The following RBFOX1 variants were observed in gnomAD, a reference collection of about 807,000 sequenced individuals.
RBFOX1 encodes the protein RNA binding fox-1 homolog 1.
A neutral mutation model predicts 57.7 loss-of-function variants in RBFOX1; 8 were observed. The ratio of observed to expected loss-of-function variants is 0.14; its 90% CI spans 0.08 to 0.25. The LOEUF (loss-of-function observed/expected upper bound fraction) is 0.25, where lower values mean the gene tolerates loss of function less well. Among genes scored for constraint, RBFOX1 ranks in the 10% least tolerant of loss-of-function variants. The pLI, the probability that RBFOX1 is intolerant of heterozygous loss-of-function variation, is 1.00. For synonymous variants in RBFOX1, 326 were observed against 222.4 expected (o/e 1.47, Z -4.15); for missense variants, 611 against 548.5 (o/e 1.11, Z -1.14).
At chr16:5,339,691 C>G (rs1596571392) in intron 1 of RBFOX1, among the ~76,000 whole-genome samples, 5 of 151,944 alleles carry the variant, frequency 3.3e-5, no homozygotes, top group Admixed American at 3.3e-4. Context: ...GTTGTCCAGG[C>G]TGGTCTCGAA....
intron 4 of RBFOX1, among the ~76,000 whole-genome samples, chr16:7,258,348 G>A (rs2094780470): frequency 6.6e-6 from 1 of 152,110 alleles, no homozygotes; most frequent in Non-Finnish European, 1.5e-5. Flanking sequence ...ATTAATGGTT[G>A]TAATTATTGA....
chr16:6,845,283 T>A (rs1410343929), intron 3 of RBFOX1, among the ~76,000 whole-genome samples: 1 of 151,798 alleles, frequency 6.6e-6, no homozygotes, highest in Non-Finnish European at 1.5e-5. Context: ...TTGCCTAGGT[T>A]TTTTTTTTCT....
intron 1 of RBFOX1, among the ~76,000 whole-genome samples, chr16:6,072,124 T>C (rs977934865): frequency 5.3e-5 from 8 of 152,174 alleles, no homozygotes; most frequent in African/African-American, 1.9e-4. Context: ...CAGGCACATC[T>C]TACATGGCTG....
At chr16:5,675,408 C>A (rs2050136152) in intron 3 of RBFOX1, among the ~76,000 whole-genome samples, 1 of 152,122 alleles carries the variant, frequency 6.6e-6, no homozygotes, top group Non-Finnish European at 1.5e-5. Flanking sequence ...AGAGAAGCAT[C>A]CCTGGGTTTT....
chr16:6,777,711 G>T (rs771881219), intron 3 of RBFOX1, among the ~76,000 whole-genome samples: 1 of 152,090 alleles, frequency 6.6e-6, no homozygotes, highest in Non-Finnish European at 1.5e-5. Context: ...CATTCTGATG[G>T]AGCTTGATAT....
intron 1 of RBFOX1, among the ~76,000 whole-genome samples, chr16:5,432,861 C>G (rs2067795984): frequency 6.6e-6 from 1 of 152,080 alleles, no homozygotes; most frequent in Non-Finnish European, 1.5e-5. Flanking sequence ...TCTCGGTTCA[C>G]TGCAAATTCC....
intron 4 of RBFOX1, among the ~76,000 whole-genome samples, chr16:7,394,858 C>A (rs1568607812): frequency 6.6e-6 from 1 of 152,184 alleles, no homozygotes; most frequent in South Asian, 2.1e-4. Context: ...CCGTCTACTT[C>A]CACGATCCTC....
chr16:6,630,395 CAAAAG>C (rs1337099722), intron 2 of RBFOX1, among the ~76,000 whole-genome samples: 1 of 152,086 alleles, frequency 6.6e-6, no homozygotes, highest in African/African-American at 2.4e-5. Context: ...TAATGATACT[CAAAAG>C]AAAGTGAAGT....
At chr16:5,796,700 C>T (rs1467312264) in intron 3 of RBFOX1, among the ~76,000 whole-genome samples, 1 of 152,206 alleles carries the variant, frequency 6.6e-6, no homozygotes, top group Non-Finnish European at 1.5e-5. Flanking sequence ...GATGAAGACA[C>T]TGAGGCACAG....
At position 6,269,386 on chromosome 16, in the gene RBFOX1, C is replaced by A. The variant is rs2074937199; in HGVS notation, c.-126-47609C>A. 1.3e-5 allele frequency among the ~76,000 whole-genome samples: 2 copies of A among 152,294 alleles called. 1 individual carries two copies. Among genetic ancestry groups the A allele is most frequent in the South Asian group, 4.1e-4 (2 of 4,826 alleles). On this transcript the variant is annotated intron_variant, in intron 1 of 15. Coordinates refer to ENST00000550418, the MANE Select transcript of RBFOX1 (RefSeq NM_018723.4). ...GCTGACTGGATATAGTTTCAAATCA[C>A]TGAGTAAATCCCAAGTCAGATTAAC...
At chr16:7,139,176 C>CTGTGTGTGTGTGTGTGTGTGTGTG (rs1388063094) in intron 4 of RBFOX1, among the ~76,000 whole-genome samples, 48 of 145,904 alleles carry the variant, frequency 3.3e-4, no homozygotes, top group African/African-American at 1.2e-3. Context: ...CAATCTCTCT[C>CTGTGTGTGTGTGTGTGTGTGTGTG]TGTGTGTGTG....
At chr16:7,111,089 T>A (rs929011955) in intron 4 of RBFOX1, among the ~76,000 whole-genome samples, 2 of 152,204 alleles carry the variant, frequency 1.3e-5, no homozygotes, top group Admixed American at 1.3e-4. Flanking sequence ...TAACTGTGGT[T>A]CACTATGTCG....
intron 1 of RBFOX1, among the ~76,000 whole-genome samples, chr16:6,224,512 C>T (rs901468693): frequency 6.6e-6 from 1 of 151,972 alleles, no homozygotes; most frequent in Non-Finnish European, 1.5e-5. Context: ...GTAAGATGCT[C>T]GATTCATTAT....
At chr16:7,201,405 A>G (rs969936897) in intron 4 of RBFOX1, among the ~76,000 whole-genome samples, 1 of 151,602 alleles carries the variant, frequency 6.6e-6, no homozygotes, top group African/African-American at 2.4e-5. Flanking sequence ...TGGCTGAGGC[A>G]GGAGGTCCTT....
At chr16:7,518,104 C>T in intron 4 of RBFOX1, 43 bp from the exon 5 acceptor site, 2 of 1,579,068 alleles carry the variant, frequency 1.3e-6, no homozygotes, top group Non-Finnish European at 1.7e-6. Flanking sequence ...ATGGTGGCTC[C>T]TCATGACGTT....
intron 1 of RBFOX1, among the ~76,000 whole-genome samples, chr16:6,091,261 C>T (rs2096168953): frequency 6.6e-6 from 1 of 152,142 alleles, no homozygotes; most frequent in South Asian, 2.1e-4. Context: ...TCTCTTACAT[C>T]TATGATACCC....
chr16:5,513,680 C>T (rs994356293), intron 2 of RBFOX1, among the ~76,000 whole-genome samples: 11 of 152,150 alleles, frequency 7.2e-5, no homozygotes, highest in Non-Finnish European at 1.6e-4. Context: ...ATTTACATCA[C>T]GATGGGACTC....
intron 3 of RBFOX1, among the ~76,000 whole-genome samples, chr16:5,783,053 T>C (rs930456517): frequency 5.3e-5 from 8 of 152,182 alleles, no homozygotes; most frequent in Non-Finnish European, 8.8e-5. Context: ...CCAGAAGTAA[T>C]ATTTCACCAA....
At chr16:6,157,766 A>T (rs1044942781) in intron 1 of RBFOX1, among the ~76,000 whole-genome samples, 1 of 152,228 alleles carries the variant, frequency 6.6e-6, no homozygotes, top group Non-Finnish European at 1.5e-5. Flanking sequence ...TTATAGGCTT[A>T]TGTAACTCTG....
Sources: allele counts gnomAD v4.1 joint callset (sites outside exome capture counted in the v4.1 genomes callset), GRCh38; gene constraint gnomAD v4.1.1; transcripts MANE v1.5; gene names NCBI Gene and HGNC (gene_info 2026-07-23, HGNC 2026-07-21).